Variants in EAF2 observed in about 807,000 individuals in gnomAD.
EAF2 encodes ELL-associated factor 2.
Under a neutral mutation model 29.4 loss-of-function variants are expected in EAF2, and 29 were observed. That is an observed-to-expected ratio of 0.99 (90% CI 0.73 to 1.35). The LOEUF (loss-of-function observed/expected upper bound fraction) is 1.35, where lower values mean the gene tolerates loss of function less well. Among genes scored for constraint, EAF2 ranks in the 40% most tolerant of loss-of-function variants. The probability of loss-of-function intolerance (pLI) is 0.00; values close to 1 mark genes in which losing one functional copy is unlikely to be tolerated. For missense variants in EAF2, 292 were observed against 312.0 expected, an observed-to-expected ratio of 0.94 and a Z score of 0.48; for synonymous variants, 103 against 102.5, an observed-to-expected ratio of 1.00 and a Z score of -0.03.
At chr3:121,853,475 G>A (rs75365619) in intron 2 of EAF2, among the ~76,000 whole-genome samples, 16,835 of 152,098 alleles carry the variant, frequency 0.11, 1,000 homozygotes, top group South Asian at 0.16. Context: ...TTGGAGTGCA[G>A]TGGCTATTCA....
At chr3:121,881,581 C>A (rs1709191646) in intron 5 of EAF2, among the ~76,000 whole-genome samples, 1 of 152,100 alleles carries the variant, frequency 6.6e-6, no homozygotes, top group Non-Finnish European at 1.5e-5. Context: ...ACAATCTCAA[C>A]TCACTGCAAC....
At chr3:121,866,615 C>T (rs1041113118) in intron 4 of EAF2, among the ~76,000 whole-genome samples, 17 of 152,022 alleles carry the variant, frequency 1.1e-4, no homozygotes, top group Non-Finnish European at 1.9e-4. Flanking sequence ...ATTCCAGCTA[C>T]TTGGGAGGCT....
intron 5 of EAF2, among the ~76,000 whole-genome samples, chr3:121,874,833 G>A (rs1709069826): frequency 6.6e-6 from 1 of 151,894 alleles, no homozygotes; most frequent in African/African-American, 2.4e-5. Context: ...CATCTCTAAA[G>A]AGAAGAACTG....
intron 4 of EAF2, among the ~76,000 whole-genome samples, chr3:121,860,690 A>C (rs926088200): frequency 6.6e-6 from 1 of 151,486 alleles, no homozygotes; most frequent in African/African-American, 2.4e-5. Flanking sequence ...CTCTGATCTT[A>C]GTTATTTCTT....
chr3:121,871,816 T>C (rs576208037), intron 4 of EAF2, among the ~76,000 whole-genome samples: 4 of 152,102 alleles, frequency 2.6e-5, no homozygotes, highest in African/African-American at 9.6e-5. Context: ...AGTCAGTAGA[T>C]TTGCCTCCAC....
rs910691570 is a variant in EAF2 at position 121,850,083 on chromosome 3, T to C, written c.202-4604T>C. 9.2e-5 allele frequency among the ~76,000 whole-genome samples: 14 copies of C among 151,670 alleles called. 1 individual carries two copies. The highest frequency in any genetic ancestry group is 4.2e-4 in the South Asian group (2 of 4,818). On this transcript the variant is annotated intron_variant, in intron 2 of 5. Coordinates refer to ENST00000273668, the MANE Select transcript of EAF2 (RefSeq NM_018456.6). ...ATAGAATCTTAGTGTTTCTTCCTTT[T>C]ATTTAGCTGACATTTTGTATGAAGT...
chr3:121,836,617 C>T, intron 1 of EAF2: 1 of 986,924 alleles, frequency 1.0e-6, no homozygotes, highest in Non-Finnish European at 1.2e-6. Flanking sequence ...CTTGTTTATT[C>T]TTCTTTATCA....
chr3:121,854,255 G>T (rs1041472682), intron 2 of EAF2, among the ~76,000 whole-genome samples: 5 of 146,182 alleles, frequency 3.4e-5, no homozygotes, highest in Non-Finnish European at 5.9e-5. Flanking sequence ...GGTGGAGGTT[G>T]CAGTGAGCCG....
intron 5 of EAF2, among the ~76,000 whole-genome samples, chr3:121,880,520 T>C (rs972978930): frequency 5.3e-5 from 8 of 151,870 alleles, no homozygotes; most frequent in African/African-American, 1.9e-4. Context: ...AATGCTGCTT[T>C]CTTGATTTCT....
chr3:121,840,328 T>C (rs1708389545), intron 1 of EAF2, among the ~76,000 whole-genome samples: 1 of 147,926 alleles, frequency 6.8e-6, no homozygotes. Flanking sequence ...CCGTTTCTAC[T>C]AAAAATACAA....
At chr3:121,881,759 C>T (rs543947409) in intron 5 of EAF2, among the ~76,000 whole-genome samples, 4 of 152,178 alleles carry the variant, frequency 2.6e-5, no homozygotes, top group Non-Finnish European at 5.9e-5. Context: ...AATCCACCCA[C>T]CTCAGTCTCC....
At chr3:121,843,509 A>G (rs1242193364) in intron 1 of EAF2, among the ~76,000 whole-genome samples, 1 of 152,134 alleles carries the variant, frequency 6.6e-6, no homozygotes, top group African/African-American at 2.4e-5. Context: ...TACATGTGTC[A>G]CTGTGTAAAA....
intron 4 of EAF2, among the ~76,000 whole-genome samples, chr3:121,859,546 C>A (rs1708787259): frequency 2.0e-5 from 3 of 152,068 alleles, no homozygotes; most frequent in Non-Finnish European, 4.4e-5. Flanking sequence ...GCTGAAGTTG[C>A]TTATCAGCTT....
intron 3 of EAF2, 64 bp from the exon 4 acceptor site, chr3:121,856,947 G>A: frequency 2.1e-6 from 3 of 1,438,470 alleles, no homozygotes; most frequent in Non-Finnish European, 2.8e-6. Flanking sequence ...TAGTAACTTT[G>A]TAAGTTAAAT....
At chr3:121,849,711 G>T (rs1708592857) in intron 2 of EAF2, among the ~76,000 whole-genome samples, 2 of 152,212 alleles carry the variant, frequency 1.3e-5, no homozygotes, top group Admixed American at 6.5e-5. Flanking sequence ...CTTCCCAAAT[G>T]AACCTAGTCT....
At chr3:121,858,516 G>A (rs1377303661) in intron 4 of EAF2, among the ~76,000 whole-genome samples, 1 of 152,114 alleles carries the variant, frequency 6.6e-6, no homozygotes, top group African/African-American at 2.4e-5. Flanking sequence ...TGATGGAGTC[G>A]TTTGTTTTTT....
chr3:121,865,944 C>T (rs796374192), intron 4 of EAF2, among the ~76,000 whole-genome samples: 7 of 152,260 alleles, frequency 4.6e-5, no homozygotes, highest in South Asian at 2.1e-4. Flanking sequence ...TGCCCCCCTG[C>T]CCTATTAACC....
chr3:121,846,142 G>A (rs6767409), intron 2 of EAF2, among the ~76,000 whole-genome samples: 55,947 of 151,876 alleles, frequency 0.37, 10,815 homozygotes, highest in African/African-American at 0.42. Context: ...ATGGTTTACC[G>A]TGGTTATACA....
At chr3:121,883,552 C>A (rs1192285354) in intron 5 of EAF2, among the ~76,000 whole-genome samples, 1 of 152,168 alleles carries the variant, frequency 6.6e-6, no homozygotes, top group Non-Finnish European at 1.5e-5. Flanking sequence ...ATATTCCACC[C>A]GACTTTCAAA....
Sources: gnomAD v4.1 joint callset for allele counts (sites outside exome capture counted in the v4.1 genomes callset) on GRCh38, gnomAD v4.1.1 for gene constraint, MANE v1.5 for transcripts, NCBI Gene and HGNC (gene_info 2026-07-23, HGNC 2026-07-21) for gene names.